ATG7: variants seen among roughly 807,000 people sequenced by gnomAD.
ATG7 encodes the protein autophagy related 7.
Under a neutral mutation model 82.4 loss-of-function variants are expected in ATG7, and 70 were observed. The observed-to-expected ratio is 0.85, with a 90% confidence interval of 0.70 to 1.04. The LOEUF (loss-of-function observed/expected upper bound fraction) is 1.04. ATG7 is among the 50% of genes least tolerant of loss of function. The pLI, the probability that ATG7 is intolerant of heterozygous loss-of-function variation, is 0.00. For synonymous variants in ATG7, 287 were observed against 313.0 expected (o/e 0.92, Z 0.88); for missense variants, 792 against 864.3 (o/e 0.92, Z 1.05).
intron 20 of ATG7, among the ~76,000 whole-genome samples, chr3:11,539,818 C>T (rs79031426): frequency 6.6e-6 from 1 of 152,230 alleles, no homozygotes; most frequent in Non-Finnish European, 1.5e-5. Flanking sequence ...CAGCACAGTT[C>T]GGCGACATCG....
At chr3:11,379,521 A>C (rs903546090) in intron 18 of ATG7, among the ~76,000 whole-genome samples, 1 of 152,228 alleles carries the variant, frequency 6.6e-6, no homozygotes, top group Non-Finnish European at 1.5e-5. Flanking sequence ...GGCCTTCCAC[A>C]GTCCCCCAAG....
chr3:11,354,271 C>A (rs1575648675), intron 14 of ATG7, among the ~76,000 whole-genome samples: 1 of 152,164 alleles, frequency 6.6e-6, no homozygotes, highest in Non-Finnish European at 1.5e-5. Flanking sequence ...GCTACAGATA[C>A]CACACCTGAT....
At chr3:11,295,486 T>C (rs1184426545) in intron 3 of ATG7, among the ~76,000 whole-genome samples, 2 of 152,206 alleles carry the variant, frequency 1.3e-5, no homozygotes, top group African/African-American at 4.8e-5. Flanking sequence ...CCACTGGAAC[T>C]TGCTACGGAC....
intron 20 of ATG7, among the ~76,000 whole-genome samples, chr3:11,473,886 G>GA: frequency 6.6e-6 from 1 of 152,152 alleles, no homozygotes; most frequent in Non-Finnish European, 1.5e-5. Context: ...AAACATCAGC[G>GA]AGCCCTCAAT....
intron 5 of ATG7, among the ~76,000 whole-genome samples, chr3:11,305,545 T>C (rs1321376126): frequency 1.3e-5 from 2 of 152,274 alleles, no homozygotes; most frequent in African/African-American, 4.8e-5. Context: ...CCAACTGCTC[T>C]GCTTTCTTTG....
intron 3 of ATG7, among the ~76,000 whole-genome samples, chr3:11,295,176 T>C (rs907572694): frequency 6.6e-6 from 1 of 152,198 alleles, no homozygotes; most frequent in Non-Finnish European, 1.5e-5. Context: ...GGTCAGGCGC[T>C]ATCTGGGGAT....
chr3:11,447,506 A>T (rs952239107), intron 20 of ATG7, among the ~76,000 whole-genome samples: 3 of 152,060 alleles, frequency 2.0e-5, no homozygotes, highest in African/African-American at 7.2e-5. Flanking sequence ...GCTTAATGAA[A>T]CCAGGTCATG....
chr3:11,479,119 T>A (rs908051497), intron 20 of ATG7, among the ~76,000 whole-genome samples: 2 of 151,980 alleles, frequency 1.3e-5, no homozygotes, highest in African/African-American at 4.8e-5. Context: ...GGCTCCAGCA[T>A]TGCCTTTGCC....
At chr3:11,523,773 C>G (rs1280129365) in intron 20 of ATG7, among the ~76,000 whole-genome samples, 1 of 152,146 alleles carries the variant, frequency 6.6e-6, no homozygotes, top group Non-Finnish European at 1.5e-5. Context: ...TGATTACGGC[C>G]AAAACAGCAG....
chr3:11,561,221 C>T (rs2072967068), downstream of ATG7, among the ~76,000 whole-genome samples: 1 of 152,146 alleles, frequency 6.6e-6, no homozygotes, highest in Non-Finnish European at 1.5e-5. Flanking sequence ...ATGTGGGGAA[C>T]TGGGGAGACA....
intron 20 of ATG7, among the ~76,000 whole-genome samples, chr3:11,530,611 G>T (rs1575210570): frequency 6.6e-6 from 1 of 152,070 alleles, no homozygotes; most frequent in Non-Finnish European, 1.5e-5. Context: ...TTGCCCTCCT[G>T]ACCCCACCCT....
intron 7 of ATG7, among the ~76,000 whole-genome samples, chr3:11,313,023 A>G (rs1009041405): frequency 6.6e-6 from 1 of 152,226 alleles, no homozygotes; most frequent in Non-Finnish European, 1.5e-5. Flanking sequence ...TGATGATAAT[A>G]TCAATTACAT....
chr3:11,483,599 G>A (rs2089266136), intron 20 of ATG7, among the ~76,000 whole-genome samples: 1 of 152,148 alleles, frequency 6.6e-6, no homozygotes, highest in African/African-American at 2.4e-5. Context: ...TACACAGAAA[G>A]CCCCCATTTT....
intron 5 of ATG7, among the ~76,000 whole-genome samples, chr3:11,302,809 ACT>A (rs1947001410): frequency 6.6e-6 from 1 of 152,110 alleles, no homozygotes; most frequent in African/African-American, 2.4e-5. Flanking sequence ...AGTCTCTTCT[ACT>A]CTGTGCCCCT....
intron 3 of ATG7, among the ~76,000 whole-genome samples, chr3:11,284,804 C>G (rs375802378): frequency 6.7e-6 from 1 of 150,094 alleles, no homozygotes; most frequent in Non-Finnish European, 1.5e-5. Context: ...CCTGCTTTGG[C>G]CTCCCAAAGT....
At chr3:11,424,580 TTAAA>T (rs2082204000) in intron 19 of ATG7, among the ~76,000 whole-genome samples, 1 of 140,042 alleles carries the variant, frequency 7.1e-6, no homozygotes, top group African/African-American at 2.5e-5. Context: ...TCGGTGGCAA[TTAAA>T]TAATTTTAAT....
intron 20 of ATG7, 47 bp from the exon 21 acceptor site, chr3:11,554,764 C>T (rs775373999): frequency 1.2e-6 from 2 of 1,608,642 alleles, no homozygotes; most frequent in Admixed American, 3.4e-5. Context: ...GTGCCCCCCA[C>T]CGGGCAGTGG....
chr3:11,451,238 A>G lies in ATG7; in HGVS notation c.2079+24312A>G, dbSNP rs111501622. On this transcript the variant is annotated intron_variant, in intron 20 of 20. Coordinates refer to ENST00000693202, the MANE Select transcript of ATG7 (RefSeq NM_001349232.2). ...TTTTTTTTTTTTTTTTTTGAGATCT[A>G]TATCACTCTGTCACCCAGGCTGGAG... Among the ~76,000 whole-genome samples, 644 of 139,884 alleles carry G rather than the reference A, an allele frequency of 4.6e-3. 2 individuals carry two copies. Among genetic ancestry groups the G allele is most frequent in the Middle Eastern group, 0.019 (5 of 258 alleles). 91.8% of individuals were successfully genotyped at this position (139,884 alleles called of 152,430 possible). A position where few individuals can be genotyped will look rare whatever the true frequency, so the allele number is the denominator to read the frequency against.
intron 11 of ATG7, among the ~76,000 whole-genome samples, chr3:11,333,833 C>T (rs1162764996): frequency 2.0e-5 from 3 of 151,336 alleles, no homozygotes; most frequent in Non-Finnish European, 4.4e-5. Flanking sequence ...CTGCAAGCTC[C>T]GCCTCCCGGG....
Sources: allele counts gnomAD v4.1 joint callset (sites outside exome capture counted in the v4.1 genomes callset), GRCh38; gene constraint gnomAD v4.1.1; transcripts MANE v1.5; gene names NCBI Gene and HGNC (gene_info 2026-07-23, HGNC 2026-07-21).